POLA2: variants seen among roughly 807,000 people sequenced by gnomAD.
POLA2 encodes the protein DNA polymerase alpha subunit B.
POLA2 carries 47 observed loss-of-function variants against 82.8 expected under a neutral mutation model. The observed-to-expected ratio is 0.57, with a 90% CI of 0.45 to 0.72. POLA2 has a LOEUF of 0.72. Among genes scored for constraint, POLA2 ranks in the 30% least tolerant of loss-of-function variants. The pLI, the probability that POLA2 is intolerant of heterozygous loss-of-function variation, is 0.00. For missense variants in POLA2, 634 were observed against 728.1 expected, an observed-to-expected ratio of 0.87 and a Z score of 1.49; for synonymous variants, 287 against 286.8, an observed-to-expected ratio of 1.00 and a Z score of -0.01.
rs546404021 is a variant in POLA2, at chr11:65,285,586, A to G, written c.1007-2130A>G. On this transcript the variant is annotated intron_variant, in intron 10 of 17. Transcript: ENST00000265465. ...TGAGATCCTATCTCAAAAAAAAAAA[A>G]AAAAGAAAAAGAAAAAAAAGAAAAT... Among the ~76,000 whole-genome samples, 5 of 151,686 alleles carry G rather than the reference A, an allele frequency of 3.3e-5. No homozygotes were observed. The South Asian group carries it at 8.3e-4, about 25-fold the overall frequency.
chr11:65,295,004 T>G lies in POLA2; in HGVS notation c.1460+352T>G, dbSNP rs1228510876. Among the ~76,000 whole-genome samples the G allele has an allele frequency of 2.6e-5, 4 of 152,220 alleles. No individual in the cohort carries two copies. In the East Asian group the frequency reaches 7.7e-4, roughly 29 times the overall value. On this transcript the variant is annotated intron_variant, in intron 15 of 17. Coordinates refer to ENST00000265465, the MANE Select transcript of POLA2 (RefSeq NM_002689.4). ...AAAACAAATGTGGACATCCTGTTTG[T>G]GGAGGATAAACTGGGAATTTTCTCT... is the stretch of plus-strand genomic sequence containing the variant.
intron 13 of POLA2, among the ~76,000 whole-genome samples, chr11:65,290,329 G>A (rs1949741831): frequency 2.0e-5 from 3 of 150,862 alleles, no homozygotes; most frequent in South Asian, 4.2e-4. Context: ...CTGAGGTCAG[G>A]AGTTCAAGAC....
rs750891887 is a variant in POLA2, at chr11:65,268,733, A to T, written c.354+4A>T. ...CTCTTACACCACACCTTCAAAGGTAAGTAAACAGTGTTTGGACATTGCATT... is the reference window on the plus strand; with the variant it reads ...CTCTTACACCACACCTTCAAAGGTATGTAAACAGTGTTTGGACATTGCATT... On this transcript the variant is annotated splice_donor_region_variant and intron_variant, in intron 4 of 17. Coordinates refer to ENST00000265465, the MANE Select transcript of POLA2 (RefSeq NM_002689.4). 1 of 1,565,732 alleles carries T rather than the reference A, an allele frequency of 6.4e-7. No individual in the cohort carries two copies. Among genetic ancestry groups the T allele is most frequent in the Non-Finnish European group, 8.7e-7 (1 of 1,150,720 alleles).
intron 5 of POLA2, among the ~76,000 whole-genome samples, 200 bp downstream of exon 5, chr11:65,276,198 A>G (rs898469389): frequency 6.6e-6 from 1 of 152,152 alleles, no homozygotes; most frequent in East Asian, 1.9e-4. Flanking sequence ...TTCTTACGGT[A>G]ATTAAGGAAA....
chr11:65,301,960 G>C (rs1227834720), downstream of POLA2, among the ~76,000 whole-genome samples: 1 of 152,244 alleles, frequency 6.6e-6, no homozygotes, highest in African/African-American at 2.4e-5. Context: ...CTGGACTGCC[G>C]CTGGCTCTGA....
chr11:65,305,606 C>G, downstream of POLA2: 3 of 355,158 alleles, frequency 8.4e-6, no homozygotes, highest in South Asian at 6.3e-5. Context: ...CCCAGGAGGT[C>G]GAGGCTGCAG....
chr11:65,287,783 C>A lies in POLA2; in HGVS notation c.1074C>A (p.Asp358Glu), dbSNP rs771353925. Reference sequence around the variant, plus strand: ...CCACATCTGACAGCATCACGTATGACCCCCTGCTTGACCTGATTGCTGTCA... The same window carrying A: ...CCACATCTGACAGCATCACGTATGAACCCCTGCTTGACCTGATTGCTGTCA... Reference protein sequence around the residue: ...PYTTSDSITYDPLLDLIAVIN... With the variant: ...PYTTSDSITYEPLLDLIAVIN... Residue 358 changes from aspartate (D) to glutamate (E), a missense_variant, in exon 11 of 18, where the codon GAC (aspartate) becomes GAA (glutamate). Asp to Glu is a conservative substitution (Grantham distance 45). Coordinates refer to ENST00000265465, the MANE Select transcript of POLA2 (RefSeq NM_002689.4). 6.2e-7 allele frequency: 1 copy of A among 1,613,818 alleles called. No individual in the cohort carries two copies. The highest frequency in any genetic ancestry group is 1.1e-5 in the South Asian group (1 of 91,054).
chr11:65,270,288 A>G (rs1949508836), intron 4 of POLA2, among the ~76,000 whole-genome samples: 1 of 152,188 alleles, frequency 6.6e-6, no homozygotes, highest in African/African-American at 2.4e-5. Context: ...AGACCAAGGC[A>G]GGAGGATCAG....
intron 1 of POLA2, among the ~76,000 whole-genome samples, chr11:65,265,382 C>T (rs1050609175): frequency 2.0e-5 from 3 of 152,294 alleles, no homozygotes; most frequent in African/African-American, 7.2e-5. Flanking sequence ...AATTTTCAGT[C>T]CTCATCTTGA....
At position 65,294,149 on chromosome 11, in the gene POLA2, C is replaced by A. The variant is rs749741706; in HGVS notation, c.1245-4C>A. 17 of 1,612,684 alleles carry A rather than the reference C, an allele frequency of 1.1e-5. 1 individual carries two copies. The East Asian group carries it at 3.8e-4, about 36-fold the overall frequency. ...CTCTTCTGTTTGTTCTTTTGCCATACTAGCTCCGGCTCCCACCTTGTCTTT... is the reference window on the plus strand; with the variant it reads ...CTCTTCTGTTTGTTCTTTTGCCATAATAGCTCCGGCTCCCACCTTGTCTTT... On this transcript the variant is annotated splice_region_variant and splice_polypyrimidine_tract_variant and intron_variant, in intron 13 of 17. Transcript: ENST00000265465.
Position 65,262,085 on chromosome 11 carries a change from A to G in POLA2, c.-208A>G, listed in dbSNP as rs1186057077. 1.8e-6 allele frequency: 1 copy of G among 554,354 alleles called. No individual in the cohort carries two copies. The highest frequency in any genetic ancestry group is 2.3e-5 in the South Asian group (1 of 43,398). 34.3% of individuals were successfully genotyped at this position (554,354 alleles called of 1,614,324 possible). A position where few individuals can be genotyped will look rare whatever the true frequency, so the allele number is the denominator to read the frequency against. On this transcript the variant is annotated 5_prime_UTR_variant, in exon 1 of 18. Coordinates refer to ENST00000265465, the MANE Select transcript of POLA2 (RefSeq NM_002689.4). ...CAGGGCGTTTGGGAGCCACCCCTTC[A>G]TTTTTTAAAAAAAGTATTTCTCTGT... is the stretch of plus-strand genomic sequence containing the variant.
chr11:65,266,755 T>C lies in POLA2; in HGVS notation c.204+49T>C, dbSNP rs747406710. The C allele has an allele frequency of 2.9e-5, 47 of 1,600,380 alleles. No individual in the cohort carries two copies. The Admixed American group carries it at 5.8e-4, about 20-fold the overall frequency. The stretch of plus-strand genomic sequence containing the variant: ...TAATAATGTGATTCTCCATTTCTGC[T>C]CTACAGGGGAGGCATTGTGATATAT... On this transcript the variant is annotated intron_variant, in intron 2 of 17. Transcript: ENST00000265465.
At position 65,275,958 on chromosome 11, in the gene POLA2, A is replaced by G; in HGVS notation, c.421A>G (p.Ser141Gly). 1 of 1,608,058 alleles carries G rather than the reference A, an allele frequency of 6.2e-7. No individual in the cohort carries two copies. Among genetic ancestry groups the G allele is most frequent in the Admixed American group, 1.7e-5 (1 of 59,114 alleles). The change falls in exon 5 of 18, where the codon AGC becomes GGC. Residue 141 changes from serine to glycine, a missense_variant. By Grantham distance (56) the Ser-to-Gly change is moderately conservative. Transcript: ENST00000265465. Reference protein sequence around the residue: ...PLTKRSVSTRSPHQLLSPSSF... With the variant: ...PLTKRSVSTRGPHQLLSPSSF... ...AACAAAAAGGAGTGTGTCAACTCGTAGCCCCCATCAGCTACTCTCACCGTC... is the reference window on the plus strand; with the variant it reads ...AACAAAAAGGAGTGTGTCAACTCGTGGCCCCCATCAGCTACTCTCACCGTC...
intron 2 of POLA2, 48 bp from the exon 3 acceptor site, chr11:65,267,429 C>A: frequency 9.0e-7 from 1 of 1,114,856 alleles, no homozygotes; most frequent in Non-Finnish European, 1.3e-6. Flanking sequence ...AACACCTCTG[C>A]TATTACTTGA....
intron 1 of POLA2, among the ~76,000 whole-genome samples, chr11:65,263,208 TTCTC>T (rs1194979792): frequency 1.3e-5 from 2 of 149,440 alleles, no homozygotes; most frequent in Non-Finnish European, 3.0e-5. Context: ...GCCCAGTGCC[TTCTC>T]TCTCTCTCTT....
chr11:65,278,777 T>C lies in POLA2; in HGVS notation c.509T>C (p.Val170Ala), dbSNP rs777051096. The C allele has an allele frequency of 1.2e-6, 2 of 1,613,762 alleles. No homozygotes were observed. Among genetic ancestry groups the C allele is most frequent in the East Asian group, 2.2e-5 (1 of 44,890 alleles). ...AACTCACGAAGTAACCGAGGAGAAG[T>C]GGTTACCTCCTTCGGCTTAGCACAG... The part of the protein sequence containing the change: ...KYNSRSNRGE[V>A]VTSFGLAQGV... Residue 170 changes from valine (V) to alanine (A), a missense_variant, in exon 6 of 18, where the codon GTG (valine) becomes GCG (alanine). Val to Ala is a moderately conservative substitution (Grantham distance 64). Coordinates refer to ENST00000265465, the MANE Select transcript of POLA2 (RefSeq NM_002689.4).
At chr11:65,291,977 G>A (rs1189627938) in intron 13 of POLA2, among the ~76,000 whole-genome samples, 3 of 152,226 alleles carry the variant, frequency 2.0e-5, no homozygotes, top group African/African-American at 7.2e-5. Flanking sequence ...CGGGGCTCAC[G>A]CCTATAATCC....
chr11:65,277,564 T>C (rs1247976115), intron 5 of POLA2, among the ~76,000 whole-genome samples: 2 of 152,242 alleles, frequency 1.3e-5, no homozygotes, highest in Non-Finnish European at 2.9e-5. Flanking sequence ...GAAAGCTTTC[T>C]AGACTTAAGA....
intron 1 of POLA2, among the ~76,000 whole-genome samples, chr11:65,263,334 C>G (rs1053255539): frequency 6.6e-6 from 1 of 151,024 alleles, no homozygotes; most frequent in Non-Finnish European, 1.5e-5. Context: ...ATTCTCCTGC[C>G]TCAGCCTCCC....
Sources: allele counts gnomAD v4.1 joint callset (sites outside exome capture counted in the v4.1 genomes callset), GRCh38; gene constraint gnomAD v4.1.1; transcripts MANE v1.5; gene names NCBI Gene and HGNC (gene_info 2026-07-23, HGNC 2026-07-21).